Variants in SSH2 observed in about 807,000 individuals in gnomAD.
SSH2 encodes protein phosphatase Slingshot homolog 2.
A neutral mutation model predicts 135.2 loss-of-function variants in SSH2; 37 were observed. That is an observed-to-expected ratio of 0.27 (90% CI 0.21 to 0.36). The LOEUF is 0.36. Ranked by LOEUF, SSH2 falls within the 10% of genes least tolerant of loss-of-function variation. The pLI is 1.00. For synonymous variants in SSH2, 628 were observed against 646.2 expected (o/e 0.97, Z 0.43); for missense variants, 1,408 against 1,765.3 (o/e 0.80, Z 3.63).
At position 29,632,816 on chromosome 17, in the gene SSH2, A is replaced by T; in HGVS notation, c.2378T>A (p.Ile793Asn). 1.2e-6 allele frequency: 2 copies of T among 1,614,114 alleles called. No individual in the cohort carries two copies. Among genetic ancestry groups the T allele is most frequent in the Non-Finnish European group, 1.7e-6 (2 of 1,180,028 alleles). ...IESISQGVGQ[I>N]QLKGDILPNP... The stretch of plus-strand genomic sequence containing the variant: ...GGGTAAGATGTCTCCTTTCAGTTGA[A>T]TCTGCCCAACTCCTTGACTGATGGA... Residue 793 changes from isoleucine to asparagine, a missense_variant, in exon 16 of 16, where the codon ATT becomes AAT. Around this residue, in one of 3 missense-constraint regions of SSH2, gnomAD observed 1,080 missense variants for 1,144.5 expected, o/e 0.94. Transcript: ENST00000540801.
intron 14 of SSH2, among the ~76,000 whole-genome samples, chr17:29,640,140 G>A (rs1209966115): frequency 6.6e-6 from 1 of 151,094 alleles, no homozygotes. Flanking sequence ...GTGCAGTGGC[G>A]CGATCTCGGC....
intron 1 of SSH2, among the ~76,000 whole-genome samples, chr17:29,895,321 T>C (rs1314329537): frequency 5.1e-5 from 4 of 79,166 alleles, no homozygotes; most frequent in Non-Finnish European, 8.9e-5. Flanking sequence ...ATAAAATATA[T>C]TTTATATATA....
chr17:29,648,352 G>GA lies in SSH2; in HGVS notation c.1227-9_1227-8insT. 1 of 1,593,474 alleles carries GA rather than the reference G, an allele frequency of 6.3e-7. No homozygotes were observed. On this transcript the variant is annotated splice_polypyrimidine_tract_variant and intron_variant, in intron 13 of 15. Coordinates refer to ENST00000540801, the MANE Select transcript of SSH2 (RefSeq NM_001282129.2). Reference sequence around the variant, plus strand: ...CATTTAGATCCATGTTTCCTTGTTTGGGGGATTGAGGTAAAGAATAGAGGA... The same window carrying GA: ...CATTTAGATCCATGTTTCCTTGTTTGAGGGGATTGAGGTAAAGAATAGAGGA...
chr17:29,730,614 A>AT (rs1196825865), intron 3 of SSH2, among the ~76,000 whole-genome samples: 3 of 151,498 alleles, frequency 2.0e-5, no homozygotes, highest in Admixed American at 6.6e-5. Context: ...TTTTTTGGTA[A>AT]TTTTTGTAGA....
intron 1 of SSH2, among the ~76,000 whole-genome samples, chr17:29,896,478 C>T (rs2066447386): frequency 6.7e-6 from 1 of 149,294 alleles, no homozygotes; most frequent in African/African-American, 2.4e-5. Flanking sequence ...TATGCAAATA[C>T]TATGCCATGT....
At chr17:29,682,952 T>C (rs2038046259) in intron 6 of SSH2, among the ~76,000 whole-genome samples, 2 of 152,234 alleles carry the variant, frequency 1.3e-5, no homozygotes, top group South Asian at 4.1e-4. Flanking sequence ...CTAATAACTT[T>C]GGCTTTGGGA....
intron 3 of SSH2, among the ~76,000 whole-genome samples, chr17:29,771,452 T>C (rs551081703): frequency 1.3e-5 from 2 of 152,342 alleles, no homozygotes; most frequent in Non-Finnish European, 2.9e-5. Context: ...ACACACATTA[T>C]GCTCTAGTAA....
chr17:29,689,019 G>C (rs1418464376), intron 5 of SSH2, among the ~76,000 whole-genome samples: 1 of 152,138 alleles, frequency 6.6e-6, no homozygotes, highest in Non-Finnish European at 1.5e-5. Flanking sequence ...TTAGCTGGGT[G>C]TGGTGGCATG....
chr17:29,897,395 T>C (rs776643984), intron 1 of SSH2, among the ~76,000 whole-genome samples: 4 of 152,124 alleles, frequency 2.6e-5, no homozygotes, highest in Non-Finnish European at 4.4e-5. Flanking sequence ...CCAACTCATA[T>C]GCAGAGACAC....
chr17:29,685,649 C>T (rs2038180026), intron 5 of SSH2, among the ~76,000 whole-genome samples: 1 of 151,724 alleles, frequency 6.6e-6, no homozygotes, highest in East Asian at 2.0e-4. Context: ...ATTAGCTGGG[C>T]GTGGTGGCGC....
chr17:29,729,882 C>T (rs115544542), intron 3 of SSH2, among the ~76,000 whole-genome samples: 2 of 151,992 alleles, frequency 1.3e-5, no homozygotes, highest in African/African-American at 2.4e-5. Flanking sequence ...TTACCAGAGA[C>T]TGGCAAGGCT....
Position 29,902,532 on chromosome 17 carries a change from T to TA in SSH2, c.63+27405dup, listed in dbSNP as rs935869503. On this transcript the variant is annotated intron_variant, in intron 1 of 15. Transcript: ENST00000540801. ...CCTATCATCTACTTTCTGTTGCCCT[T>TA]AAAAAAAAAAACCCCAATAATTTGT... 3.3e-3 allele frequency among the ~76,000 whole-genome samples: 477 copies of TA among 145,010 alleles called. 2 individuals are homozygous for TA. The highest frequency in any genetic ancestry group is 0.011 in the Admixed American group (158 of 14,522).
chr17:29,767,218 G>T (rs988369104), intron 3 of SSH2, among the ~76,000 whole-genome samples: 13 of 152,128 alleles, frequency 8.5e-5, no homozygotes, highest in Admixed American at 5.9e-4. Flanking sequence ...TGTAGGAAGA[G>T]ATGCTGAAAT....
chr17:29,631,180 T>A lies in SSH2; in HGVS notation c.4014A>T (p.Pro1338=), dbSNP rs200576090. The change falls in exon 16 of 16, where the codon CCA becomes CCT. Residue 1338 remains proline, a synonymous_variant. Coordinates refer to ENST00000540801, the MANE Select transcript of SSH2 (RefSeq NM_001282129.2). The part of the protein sequence containing the change: ...AMEDQESLEN[P]GAPHNPEPTK... ...TGGGCTCTGGGTTGTGGGGGGCACC[T>A]GGGTTTTCTAGGGACTCTTGGTCCT... is the stretch of plus-strand genomic sequence containing the variant. 2.2e-5 allele frequency: 36 copies of A among 1,614,172 alleles called. No individual in the cohort carries two copies. The Admixed American group carries it at 4.7e-4, about 21-fold the overall frequency.
chr17:29,751,401 G>A (rs1476405051), intron 3 of SSH2, among the ~76,000 whole-genome samples: 1 of 151,650 alleles, frequency 6.6e-6, no homozygotes, highest in Admixed American at 6.6e-5. Context: ...GGCAACAAGA[G>A]CGTAACTCCT....
chr17:29,773,856 C>T (rs951732324), intron 3 of SSH2, among the ~76,000 whole-genome samples: 2 of 152,006 alleles, frequency 1.3e-5, no homozygotes, highest in African/African-American at 4.8e-5. Context: ...TTTTAGTAGG[C>T]ATGGGGTTTC....
intron 3 of SSH2, among the ~76,000 whole-genome samples, chr17:29,725,283 G>A (rs1025870273): frequency 2.5e-5 from 1 of 39,508 alleles, no homozygotes; most frequent in Non-Finnish European, 5.9e-5. Context: ...GGACGCCGAG[G>A]TTGCAGTGAG....
intron 3 of SSH2, among the ~76,000 whole-genome samples, chr17:29,746,915 T>C (rs1178645200): frequency 1.3e-5 from 2 of 152,178 alleles, no homozygotes; most frequent in Admixed American, 6.5e-5. Context: ...TTGCTTAAGT[T>C]GCAAACAGAT....
chr17:29,781,836 C>CCT (rs1184118081), intron 3 of SSH2, among the ~76,000 whole-genome samples: 3 of 149,684 alleles, frequency 2.0e-5, no homozygotes, highest in East Asian at 2.0e-4. Context: ...TTCTCTCTCT[C>CCT]CTCTCTCTCT....
Sources: allele counts gnomAD v4.1 joint callset (sites outside exome capture counted in the v4.1 genomes callset), GRCh38; gene constraint gnomAD v4.1.1; regional missense constraint gnomAD v4.1.1; transcripts MANE v1.5; gene names NCBI Gene and HGNC (gene_info 2026-07-23, HGNC 2026-07-21).